ADAM23: variants seen among roughly 807,000 people sequenced by gnomAD.
The protein encoded by ADAM23 is disintegrin and metalloproteinase domain-containing protein 23.
In ADAM23, 33 loss-of-function variants were observed where a neutral mutation model predicts 120.1. The observed-to-expected ratio is 0.27, with a 90% CI of 0.21 to 0.37. The LOEUF (loss-of-function observed/expected upper bound fraction) is 0.37, where lower values mean the gene tolerates loss of function less well. Among genes scored for constraint, ADAM23 ranks in the 10% least tolerant of loss-of-function variants. ADAM23 has a pLI of 1.00. For synonymous variants in ADAM23, 367 were observed against 375.2 expected (o/e 0.98, Z 0.25); for missense variants, 862 against 1,058.2 (o/e 0.81, Z 2.57).
chr2:206,508,176 T>C lies in ADAM23; in HGVS notation c.510-22709T>C, dbSNP rs549277670. 2.3e-3 allele frequency among the ~76,000 whole-genome samples: 343 copies of C among 152,096 alleles called. No individual in the cohort carries two copies. In the Middle Eastern group the frequency reaches 0.041, roughly 18 times the overall value. ...TCCCGAGTAGCTGGGACTACAGGCA[T>C]CCACCACCACGCCCAGCTAATTTTT... On this transcript the variant is annotated intron_variant, in intron 3 of 25. Coordinates refer to ENST00000264377, the MANE Select transcript of ADAM23 (RefSeq NM_003812.4).
chr2:206,589,322 G>A (rs567484481), intron 20 of ADAM23, 87 bp from the exon 21 acceptor site: 8 of 997,584 alleles, frequency 8.0e-6, no homozygotes, highest in African/African-American at 1.6e-5. Flanking sequence ...CTGGAGAATC[G>A]GGTGTTAAAC....
At chr2:206,526,163 C>A (rs866716486) in intron 3 of ADAM23, among the ~76,000 whole-genome samples, 3 of 151,264 alleles carry the variant, frequency 2.0e-5, no homozygotes, top group African/African-American at 7.3e-5. Context: ...CACACACACA[C>A]ACACACACAC....
chr2:206,510,753 G>T (rs560515891), intron 3 of ADAM23, among the ~76,000 whole-genome samples: 7 of 152,316 alleles, frequency 4.6e-5, no homozygotes, highest in African/African-American at 1.7e-4. Flanking sequence ...AAATGGCTCA[G>T]CTTAAGCTGG....
intron 18 of ADAM23, among the ~76,000 whole-genome samples, chr2:206,576,058 A>C (rs1698106390): frequency 6.6e-6 from 1 of 152,142 alleles, no homozygotes; most frequent in Non-Finnish European, 1.5e-5. Flanking sequence ...AAATATGTTC[A>C]GGCCGTGTTT....
At chr2:206,534,561 T>C (rs1271179166) in intron 4 of ADAM23, among the ~76,000 whole-genome samples, 6 of 152,168 alleles carry the variant, frequency 3.9e-5, no homozygotes, top group Non-Finnish European at 7.4e-5. Context: ...TGACCAACTT[T>C]GCTGATGAGC....
chr2:206,529,587 G>A (rs1697010222), intron 3 of ADAM23, among the ~76,000 whole-genome samples: 1 of 151,924 alleles, frequency 6.6e-6, no homozygotes, highest in Non-Finnish European at 1.5e-5. Context: ...TTTTGGAAAT[G>A]GGGGTCTTGC....
chr2:206,472,061 A>G (rs1369820748), intron 2 of ADAM23, among the ~76,000 whole-genome samples: 4 of 152,228 alleles, frequency 2.6e-5, no homozygotes, highest in African/African-American at 7.2e-5. Context: ...TTTCATATAC[A>G]TGTCCAAGGA....
chr2:206,573,439 T>A (rs1210662195), intron 18 of ADAM23, among the ~76,000 whole-genome samples: 1 of 152,158 alleles, frequency 6.6e-6, no homozygotes, highest in Admixed American at 6.5e-5. Context: ...AGTAATTTTG[T>A]GCATTAAACA....
At chr2:206,500,047 T>G (rs1027622279) in intron 3 of ADAM23, among the ~76,000 whole-genome samples, 1 of 152,182 alleles carries the variant, frequency 6.6e-6, no homozygotes, top group African/African-American at 2.4e-5. Context: ...ATTTTTTTAT[T>G]ATTAAAATAT....
In ADAM23 at chr2:206,445,296, A is replaced by G. The variant is rs1695056784; in HGVS notation, c.215-11A>G. On this transcript the variant is annotated splice_polypyrimidine_tract_variant and intron_variant, in intron 1 of 25. Transcript: ENST00000264377. Reference sequence around the variant, plus strand: ...GTATTTTCTGCTCCCCCACCCCCCTACCTCCACCAGCTCCGCATTGGAATG... The same window carrying G: ...GTATTTTCTGCTCCCCCACCCCCCTGCCTCCACCAGCTCCGCATTGGAATG... 6.2e-7 allele frequency: 1 copy of G among 1,603,734 alleles called. No homozygotes were observed. The highest frequency in any genetic ancestry group is 8.5e-7 in the Non-Finnish European group (1 of 1,172,810).
chr2:206,594,353 G>A (rs10497883), intron 22 of ADAM23, among the ~76,000 whole-genome samples: 118,008 of 152,052 alleles, frequency 0.78, 46,133 homozygotes, highest in Admixed American at 0.83. Context: ...TTTGTTCATC[G>A]TCTGCTTTTT....
intron 11 of ADAM23, among the ~76,000 whole-genome samples, chr2:206,560,734 T>C (rs932633540): frequency 9.8e-5 from 15 of 152,338 alleles, no homozygotes; most frequent in African/African-American, 3.4e-4. Context: ...AACCACTCCT[T>C]CTTTTCCTCC....
chr2:206,530,567 G>T (rs536737500), intron 3 of ADAM23, among the ~76,000 whole-genome samples: 4 of 144,066 alleles, frequency 2.8e-5, no homozygotes, highest in African/African-American at 1.0e-4. Context: ...AGTGAGCCGA[G>T]ATCGCACTAC....
chr2:206,534,725 T>C (rs991504126), intron 4 of ADAM23, among the ~76,000 whole-genome samples: 2 of 152,250 alleles, frequency 1.3e-5, no homozygotes, highest in African/African-American at 4.8e-5. Flanking sequence ...ACTAATACTT[T>C]GATTTCTCTT....
intron 18 of ADAM23, among the ~76,000 whole-genome samples, chr2:206,583,197 G>A (rs1044911206): frequency 2.0e-5 from 3 of 152,208 alleles, no homozygotes; most frequent in African/African-American, 7.2e-5. Context: ...GCTCATGCTT[G>A]TAATCCCAGC....
chr2:206,530,884 G>C lies in ADAM23; in HGVS notation c.510-1G>C. 1.2e-6 allele frequency: 2 copies of C among 1,613,092 alleles called. No homozygotes were observed. Among genetic ancestry groups the C allele is most frequent in the Non-Finnish European group, 1.7e-6 (2 of 1,179,420 alleles). On this transcript the variant is annotated splice_acceptor_variant, in intron 3 of 25. Coordinates refer to ENST00000264377, the MANE Select transcript of ADAM23 (RefSeq NM_003812.4). LOFTEE classifies it high-confidence loss of function. ...ATCACTCTATTTTCTTTCCTTTGTA[G>C]TGGTTTGTTGTCTTCTGATTATGTG...
At chr2:206,454,393 C>G (rs1695254134) in intron 2 of ADAM23, among the ~76,000 whole-genome samples, 1 of 152,014 alleles carries the variant, frequency 6.6e-6, no homozygotes, top group Admixed American at 6.5e-5. Context: ...CAGTCACCTC[C>G]CACCAGGTCC....
intron 2 of ADAM23, among the ~76,000 whole-genome samples, chr2:206,473,387 CT>C (rs1475655715): frequency 6.6e-6 from 1 of 151,964 alleles, no homozygotes; most frequent in Non-Finnish European, 1.5e-5. Context: ...GCTTGTTGCC[CT>C]TACTCCAAAT....
intron 2 of ADAM23, among the ~76,000 whole-genome samples, chr2:206,450,010 G>A (rs1176682235): frequency 6.6e-6 from 1 of 152,062 alleles, no homozygotes; most frequent in Non-Finnish European, 1.5e-5. Flanking sequence ...GATTATTTTT[G>A]TTTCCTTCTC....
Sources: gnomAD v4.1 joint callset for allele counts (sites outside exome capture counted in the v4.1 genomes callset) on GRCh38, gnomAD v4.1.1 for gene constraint, MANE v1.5 for transcripts, NCBI Gene and HGNC (gene_info 2026-07-23, HGNC 2026-07-21) for gene names.